The following CLYBL variants were observed in gnomAD, a reference collection of about 807,000 sequenced individuals.
CLYBL encodes the protein citramalyl-CoA lyase.
Under a neutral mutation model 38.9 loss-of-function variants are expected in CLYBL, and 31 were observed. The observed-to-expected ratio is 0.80, with a 90% CI of 0.60 to 1.08. The LOEUF (loss-of-function observed/expected upper bound fraction) is 1.08, where lower values mean the gene tolerates loss of function less well. CLYBL is among the 50% of genes least tolerant of loss of function. CLYBL has a pLI of 0.00. For synonymous variants in CLYBL, 171 were observed against 158.6 expected (o/e 1.08, Z -0.59); for missense variants, 434 against 411.6 (o/e 1.05, Z -0.47).
At chr13:99,834,762 C>G (rs1257433236) in intron 2 of CLYBL, among the ~76,000 whole-genome samples, 11 of 152,176 alleles carry the variant, frequency 7.2e-5, no homozygotes, top group Admixed American at 6.5e-5. Flanking sequence ...ATTAAAAGAC[C>G]ATGTGGCTCT....
chr13:99,698,807 G>C (rs978052173), intron 1 of CLYBL, among the ~76,000 whole-genome samples: 2 of 152,170 alleles, frequency 1.3e-5, no homozygotes, highest in Non-Finnish European at 2.9e-5. Context: ...GTTGCTTGCA[G>C]CTAAACAGAT....
intron 7 of CLYBL, among the ~76,000 whole-genome samples, chr13:99,871,685 A>G (rs977745208): frequency 6.6e-6 from 1 of 152,190 alleles, no homozygotes; most frequent in Non-Finnish European, 1.5e-5. Flanking sequence ...TGCAGTGGTA[A>G]TGCACAATCT....
chr13:99,778,967 C>T (rs1030216479), intron 2 of CLYBL, among the ~76,000 whole-genome samples: 6 of 152,060 alleles, frequency 3.9e-5, no homozygotes, highest in African/African-American at 1.5e-4. Flanking sequence ...ATACTGAGTA[C>T]CTACTCAACT....
intron 7 of CLYBL, chr13:99,877,814 T>G (rs1166117866): frequency 6.0e-6 from 1 of 167,924 alleles, no homozygotes. Flanking sequence ...CCTCATGATC[T>G]GCCCACCTCC....
At chr13:99,628,257 G>A (rs903646734) in intron 1 of CLYBL, among the ~76,000 whole-genome samples, 2 of 152,158 alleles carry the variant, frequency 1.3e-5, no homozygotes, top group African/African-American at 4.8e-5. Flanking sequence ...AAATAGAGAG[G>A]ATCAGTGGCC....
chr13:99,769,819 A>C (rs77641133), intron 1 of CLYBL, among the ~76,000 whole-genome samples: 4,304 of 152,300 alleles, frequency 0.028, 101 homozygotes, highest in South Asian at 0.084. Flanking sequence ...GTCGGCTACA[A>C]GAAGGAATGA....
intron 1 of CLYBL, among the ~76,000 whole-genome samples, chr13:99,657,086 G>A (rs1346188399): frequency 1.3e-5 from 2 of 152,222 alleles, no homozygotes; most frequent in African/African-American, 2.4e-5. Context: ...TGCTCTGATG[G>A]TACATGCAGA....
At chr13:99,828,618 G>A (rs534008442) in intron 2 of CLYBL, among the ~76,000 whole-genome samples, 6 of 152,186 alleles carry the variant, frequency 3.9e-5, no homozygotes, top group Non-Finnish European at 5.9e-5. Context: ...TTTTCTCTTC[G>A]TCAGTGTTGG....
chr13:99,794,804 C>G (rs1382897615), intron 2 of CLYBL, among the ~76,000 whole-genome samples: 2 of 151,968 alleles, frequency 1.3e-5, no homozygotes, highest in African/African-American at 4.8e-5. Flanking sequence ...GTTGGCCAGG[C>G]TGATCTAGAA....
chr13:99,798,825 G>A (rs1365134672), intron 2 of CLYBL, among the ~76,000 whole-genome samples: 1 of 152,176 alleles, frequency 6.6e-6, no homozygotes, highest in African/African-American at 2.4e-5. Context: ...TTTTGTTAAT[G>A]CCAATAGGGA....
intron 1 of CLYBL, among the ~76,000 whole-genome samples, chr13:99,758,303 C>T (rs1222382911): frequency 3.3e-5 from 5 of 152,122 alleles, no homozygotes; most frequent in Non-Finnish European, 7.4e-5. Flanking sequence ...AAAACAAGGC[C>T]AGGTGGGGGC....
chr13:99,748,795 C>T lies in CLYBL; in HGVS notation c.63-24029C>T, dbSNP rs183340058. Among the ~76,000 whole-genome samples the T allele has an allele frequency of 4.6e-5, 7 of 152,150 alleles. No individual in the cohort carries two copies. The East Asian group carries it at 9.7e-4, about 21-fold the overall frequency. On this transcript the variant is annotated intron_variant, in intron 1 of 8. Transcript: ENST00000339105. Reference sequence around the variant, plus strand: ...GTAGGCACCTCATGGAAGTGAGAATCGTAGAATGTCTGTCCTATTGTGTCT... The same window carrying T: ...GTAGGCACCTCATGGAAGTGAGAATTGTAGAATGTCTGTCCTATTGTGTCT...
At chr13:99,634,218 G>A (rs2046988472) in intron 1 of CLYBL, among the ~76,000 whole-genome samples, 1 of 152,198 alleles carries the variant, frequency 6.6e-6, no homozygotes. Context: ...CGTATTGAAA[G>A]ACAAAATATC....
intron 2 of CLYBL, among the ~76,000 whole-genome samples, chr13:99,856,183 A>G (rs1003295848): frequency 6.6e-6 from 1 of 152,206 alleles, no homozygotes; most frequent in African/African-American, 2.4e-5. Flanking sequence ...GACTTTAGAT[A>G]AAAATCAAAC....
intron 1 of CLYBL, among the ~76,000 whole-genome samples, chr13:99,700,872 A>T (rs754323625): frequency 6.6e-6 from 1 of 152,216 alleles, no homozygotes. Flanking sequence ...GCATGAAAGA[A>T]CTTGAAAACA....
chr13:99,771,020 C>CTTTTTTTTTTTTTT (rs546998940), intron 1 of CLYBL, among the ~76,000 whole-genome samples: 2 of 120,242 alleles, frequency 1.7e-5, no homozygotes, highest in African/African-American at 3.6e-5. Flanking sequence ...ACGCGGGGCC[C>CTTTTTTTTTTTTTT]TTTTTTTTTT....
intron 1 of CLYBL, among the ~76,000 whole-genome samples, chr13:99,770,817 G>A (rs891029961): frequency 2.0e-5 from 3 of 151,566 alleles, no homozygotes; most frequent in Admixed American, 1.3e-4. Context: ...CACCTCCTGG[G>A]TTCAAGCGAT....
At chr13:99,683,508 T>A (rs1381951375) in intron 1 of CLYBL, among the ~76,000 whole-genome samples, 1 of 152,136 alleles carries the variant, frequency 6.6e-6, no homozygotes, top group Non-Finnish European at 1.5e-5. Flanking sequence ...TAATTTTTAT[T>A]TTTTATACTT....
intron 1 of CLYBL, among the ~76,000 whole-genome samples, chr13:99,608,126 C>G (rs1018960709): frequency 7.4e-6 from 1 of 135,242 alleles, no homozygotes; most frequent in African/African-American, 2.9e-5. Flanking sequence ...GGCTGGAGTG[C>G]AATGGCGCCA....
Sources: gnomAD v4.1 joint callset for allele counts (sites outside exome capture counted in the v4.1 genomes callset) on GRCh38, gnomAD v4.1.1 for gene constraint, MANE v1.5 for transcripts, NCBI Gene and HGNC (gene_info 2026-07-23, HGNC 2026-07-21) for gene names.